Variants in C6orf132 observed in about 807,000 individuals in gnomAD.
C6orf132 encodes uncharacterized protein C6orf132.
Under a neutral mutation model 65.3 loss-of-function variants are expected in C6orf132, and 43 were observed. The observed-to-expected ratio is 0.66, with a 90% CI of 0.52 to 0.85. The LOEUF is 0.85. C6orf132 is among the 40% of genes least tolerant of loss of function. The pLI is 0.00. For missense variants in C6orf132, 1,488 were observed against 1,548.8 expected (o/e 0.96, Z 0.66); for synonymous variants, 631 against 654.1 (o/e 0.96, Z 0.54).
intron 1 of C6orf132, 25 bp downstream of exon 1, chr6:42,142,275 C>T (rs1286331914): frequency 6.5e-7 from 1 of 1,544,588 alleles, no homozygotes; most frequent in Non-Finnish European, 8.7e-7. Flanking sequence ...CCCGCCCCAG[C>T]GCCCTCCGTC....
intron 2 of C6orf132, among the ~76,000 whole-genome samples, chr6:42,116,025 G>T (rs1254751198): frequency 2.0e-5 from 3 of 150,244 alleles, no homozygotes; most frequent in African/African-American, 7.4e-5. Flanking sequence ...TGACTCCCGG[G>T]TTCCAGCGAT....
Position 42,102,220 on chromosome 6 carries a change from CCTT to C in C6orf132, c.*1538_*1540del. On this transcript the variant is annotated 3_prime_UTR_variant, in exon 5 of 5. Transcript: ENST00000341865. Reference sequence around the variant, plus strand: ...ACCCTACTGATAGGTCTCCCCTGCTCCTTTTTTTTTTTTTTTTTTTTTTTTTGA... The same window carrying C: ...ACCCTACTGATAGGTCTCCCCTGCTCTTTTTTTTTTTTTTTTTTTTTTTGA... The C allele has an allele frequency of 7.1e-6, 1 of 140,150 alleles. No individual in the cohort carries two copies. The highest frequency in any genetic ancestry group is 2.0e-4 in the East Asian group (1 of 4,928). 8.7% of individuals were successfully genotyped at this position (140,150 alleles called of 1,614,324 possible).
intron 2 of C6orf132, among the ~76,000 whole-genome samples, chr6:42,126,126 G>A (rs1270185905): frequency 3.9e-5 from 6 of 152,082 alleles, no homozygotes; most frequent in Admixed American, 3.9e-4. Context: ...CTGTCGTCCA[G>A]GCTGGAGTGC....
Position 42,107,149 on chromosome 6 carries a change from CA to C in C6orf132, c.762del (p.Val255SerfsTer8). ...TVGTRLFPPG[G>X]VTKWKSDVAL... ...GCTACATCTGATTTCCACTTGGTGA[CA>C]CCCCCAGGGGGAAAGAGACGAGTCC... On this transcript the variant is annotated frameshift_variant, in exon 4 of 5. Transcript: ENST00000341865. LOFTEE classifies it high-confidence loss of function. 7.0e-7 allele frequency: 1 copy of C among 1,433,556 alleles called. No individual in the cohort carries two copies. The highest frequency in any genetic ancestry group is 9.1e-7 in the Non-Finnish European group (1 of 1,096,898). The allele number at this position is 1,433,556 out of a possible 1,614,324, so 88.8% of individuals were successfully genotyped here.
chr6:42,130,067 C>A (rs115650355), intron 1 of C6orf132, among the ~76,000 whole-genome samples: 2,966 of 152,304 alleles, frequency 0.019, 109 homozygotes, highest in African/African-American at 0.067. Flanking sequence ...CTCCTGGGAG[C>A]GCCCCAGCAG....
intron 2 of C6orf132, among the ~76,000 whole-genome samples, chr6:42,115,693 T>G (rs926647365): frequency 1.3e-5 from 2 of 152,098 alleles, no homozygotes; most frequent in Non-Finnish European, 2.9e-5. Context: ...ACGGTAAATT[T>G]TATCTTATGT....
chr6:42,108,489 G>A (rs138172722), intron 3 of C6orf132, among the ~76,000 whole-genome samples: 77 of 152,304 alleles, frequency 5.1e-4, no homozygotes, highest in Admixed American at 1.7e-3. Context: ...GGGCAGGGGC[G>A]AGAGACCTCC....
Position 42,142,334 on chromosome 6 carries a change from G to C in C6orf132, c.111C>G (p.Thr37=). ...LYATNPPWIF[T]QEAPEEGTGG... is the part of the protein sequence containing the mutation. ...CGGTCCCCTCCTCCGGGGCCTCCTG[G>C]GTGAAGATCCAGGGCGGATTGGTGG... Residue 37 remains threonine, a synonymous_variant, in exon 1 of 5, where the codon ACC becomes ACG. Transcript: ENST00000341865. 1 of 1,551,310 alleles carries C rather than the reference G, an allele frequency of 6.4e-7. No individual in the cohort carries two copies. Among genetic ancestry groups the C allele is most frequent in the Non-Finnish European group, 8.7e-7 (1 of 1,146,846 alleles).
At chr6:42,107,627 A>T (rs1393018129) in intron 3 of C6orf132, 44 bp from the exon 4 acceptor site, 5 of 1,549,626 alleles carry the variant, frequency 3.2e-6, no homozygotes, top group Non-Finnish European at 2.6e-6. Flanking sequence ...AACAAGGCAG[A>T]CTAGCCCTGC....
Position 42,105,668 on chromosome 6 carries a change from G to A in C6orf132, c.2244C>T (p.Ala748=). The A allele has an allele frequency of 6.5e-7, 1 of 1,537,276 alleles. No individual in the cohort carries two copies. ...TTGGTGGGAAGGCTGCAGATGAGCG[G>A]GCTCCCTGTGTGGGCAGCCTAGTGG... ...SEATRLPTQG[A]RSSAAFPPKT... The change falls in exon 4 of 5, where the codon GCC becomes GCT. Residue 748 remains alanine (A), a synonymous_variant. Coordinates refer to ENST00000341865, the MANE Select transcript of C6orf132 (RefSeq NM_001164446.3).
At chr6:42,119,272 AAAAGGG>A in intron 2 of C6orf132, among the ~76,000 whole-genome samples, 2 of 142,046 alleles carry the variant, frequency 1.4e-5, no homozygotes, top group African/African-American at 5.3e-5. Context: ...AAAAAAAAAA[AAAAGGG>A]AGAATTCCTG....
rs1270263363 is a variant in C6orf132, at chr6:42,106,366, G to A, written c.1546C>T (p.Leu516=). ...GPRLPEKETL[L]SLPAKDTPPG... ...GGAGTGTCCTTTGCTGGCAGGCTCAGGAGAGTCTCCTTCTCAGGCAGGCGG... is the reference window on the plus strand; with the variant it reads ...GGAGTGTCCTTTGCTGGCAGGCTCAAGAGAGTCTCCTTCTCAGGCAGGCGG... Residue 516 remains leucine, a synonymous_variant, in exon 4 of 5, where the codon CTG becomes TTG. Transcript: ENST00000341865. The A allele has an allele frequency of 1.3e-6, 2 of 1,536,534 alleles. No homozygotes were observed. The highest frequency in any genetic ancestry group is 1.2e-5 in the South Asian group (1 of 84,056).
chr6:42,123,494 AAAG>A (rs145910440), intron 2 of C6orf132, among the ~76,000 whole-genome samples: 29,377 of 149,560 alleles, frequency 0.2, 3,317 homozygotes, highest in African/African-American at 0.28. Context: ...AAGAAGAAGA[AAAG>A]AAGAAAGAAG....
Position 42,106,366 on chromosome 6 carries a change from G to C in C6orf132, c.1546C>G (p.Leu516Val), listed in dbSNP as rs1270263363. 1 of 1,536,416 alleles carries C rather than the reference G, an allele frequency of 6.5e-7. No homozygotes were observed. The highest frequency in any genetic ancestry group is 1.4e-5 in the African/African-American group (1 of 73,022). Residue 516 changes from leucine (L) to valine (V), a missense_variant, in exon 4 of 5, where the codon CTG becomes GTG. Leu to Val is a conservative substitution (Grantham distance 32). Transcript: ENST00000341865. Reference protein sequence around the residue: ...GPRLPEKETLLSLPAKDTPPG... With the variant: ...GPRLPEKETLVSLPAKDTPPG... ...GGAGTGTCCTTTGCTGGCAGGCTCA[G>C]GAGAGTCTCCTTCTCAGGCAGGCGG...
rs1562032624 is a variant in C6orf132, at chr6:42,105,637, A to T, written c.2275T>A (p.Ser759Thr). ...CATGGCACCTCTCCTCCACCAGGAG[A>T]TGTCTTTGGTGGGAAGGCTGCAGAT... ...RSSAAFPPKT[S>T]PGGGEVPCLY... Residue 759 changes from serine to threonine, a missense_variant, in exon 4 of 5, where the codon TCT becomes ACT. By Grantham distance (58) the Ser-to-Thr change is moderately conservative. Transcript: ENST00000341865. 2.0e-6 allele frequency: 3 copies of T among 1,536,982 alleles called. No individual in the cohort carries two copies. The highest frequency in any genetic ancestry group is 2.4e-5 in the East Asian group (1 of 40,910).
rs1220002839 is a variant in C6orf132 at position 42,103,442 on chromosome 6, T to G, written c.*319A>C. On this transcript the variant is annotated 3_prime_UTR_variant, in exon 5 of 5. Transcript: ENST00000341865. ...TGCTTGTAAAACTGTTTTAAATAACTCTTGCTAAAGCAGATAGTACCAGAG... is the reference window on the plus strand; with the variant it reads ...TGCTTGTAAAACTGTTTTAAATAACGCTTGCTAAAGCAGATAGTACCAGAG... 5 of 392,250 alleles carry G rather than the reference T, an allele frequency of 1.3e-5. No individual in the cohort carries two copies. The highest frequency in any genetic ancestry group is 2.2e-5 in the Non-Finnish European group (5 of 222,818). 24.3% of individuals were successfully genotyped at this position (392,250 alleles called of 1,614,324 possible).
chr6:42,114,877 C>T (rs941221130), intron 2 of C6orf132, among the ~76,000 whole-genome samples: 3 of 151,850 alleles, frequency 2.0e-5, no homozygotes, highest in Non-Finnish European at 2.9e-5. Flanking sequence ...TGGTGGCAAG[C>T]GACTGTAATC....
At chr6:42,139,731 G>A (rs937088175) in intron 1 of C6orf132, among the ~76,000 whole-genome samples, 14 of 152,064 alleles carry the variant, frequency 9.2e-5, no homozygotes, top group African/African-American at 3.4e-4. Context: ...TATTGTTAGT[G>A]TCAGTGTATT....
At chr6:42,115,331 T>C (rs575616872) in intron 2 of C6orf132, among the ~76,000 whole-genome samples, 43 of 148,732 alleles carry the variant, frequency 2.9e-4, no homozygotes, top group Non-Finnish European at 4.6e-4. Flanking sequence ...ATGTACTTAA[T>C]GCCACTGAAT....
Sources: gnomAD v4.1 joint callset for allele counts (sites outside exome capture counted in the v4.1 genomes callset) on GRCh38, gnomAD v4.1.1 for gene constraint, MANE v1.5 for transcripts, NCBI Gene and HGNC (gene_info 2026-07-23, HGNC 2026-07-21) for gene names.